The following CWH43 variants were observed in gnomAD, a reference collection of about 807,000 sequenced individuals.
CWH43 encodes PGAP2-interacting protein.
CWH43 carries 91 observed loss-of-function variants against 85.7 expected under a neutral mutation model. The observed-to-expected ratio is 1.06, with a 90% CI of 0.90 to 1.26. The LOEUF (loss-of-function observed/expected upper bound fraction) is 1.26. Ranked by LOEUF, CWH43 falls within the 50% of genes most tolerant of loss-of-function variation. CWH43 has a pLI of 0.00. For synonymous variants in CWH43, 323 were observed against 293.6 expected (o/e 1.10, Z -1.02); for missense variants, 869 against 839.2 (o/e 1.04, Z -0.44).
chr4:49,054,475 G>T (rs1216200364), intron 15 of CWH43, among the ~76,000 whole-genome samples: 1 of 152,096 alleles, frequency 6.6e-6, no homozygotes, highest in East Asian at 1.9e-4. Context: ...GCTCGTGATT[G>T]CTTAGGCTGC....
intron 1 of CWH43, 147 bp from the exon 2 acceptor site, chr4:48,988,328 CAT>C: frequency 2.1e-6 from 1 of 473,942 alleles, no homozygotes; most frequent in South Asian, 5.2e-5. Flanking sequence ...TGTTTTGTTC[CAT>C]GTCAGTGGAG....
chr4:49,018,981 A>G (rs1783649711), intron 9 of CWH43, among the ~76,000 whole-genome samples: 1 of 152,318 alleles, frequency 6.6e-6, no homozygotes, highest in African/African-American at 2.4e-5. Context: ...AAGGATACCT[A>G]ATGTCATCCA....
At chr4:49,001,130 A>C (rs533953361) in intron 6 of CWH43, among the ~76,000 whole-genome samples, 1 of 152,302 alleles carries the variant, frequency 6.6e-6, no homozygotes, top group African/African-American at 2.4e-5. Context: ...GTGACTGAAC[A>C]ATTTCATACA....
intron 7 of CWH43, among the ~76,000 whole-genome samples, chr4:49,004,740 T>A (rs1783101655): frequency 6.6e-6 from 1 of 152,198 alleles, no homozygotes; most frequent in Non-Finnish European, 1.5e-5. Context: ...TATATCTTAG[T>A]GTAAATGGTA....
At chr4:48,989,809 C>T (rs190726691) in intron 2 of CWH43, among the ~76,000 whole-genome samples, 72 of 152,232 alleles carry the variant, frequency 4.7e-4, no homozygotes, top group African/African-American at 1.4e-3. Context: ...AAATTGGTGT[C>T]CATAGGAATT....
chr4:49,041,243 A>G (rs1471248097), intron 13 of CWH43, among the ~76,000 whole-genome samples: 2 of 152,174 alleles, frequency 1.3e-5, no homozygotes, highest in African/African-American at 4.8e-5. Flanking sequence ...TTTTGGTTCC[A>G]TATGAACTTT....
intron 15 of CWH43, among the ~76,000 whole-genome samples, chr4:49,060,073 C>A (rs1435484681): frequency 1.3e-5 from 2 of 152,070 alleles, no homozygotes; most frequent in Non-Finnish European, 2.9e-5. Context: ...AGGGACTGGT[C>A]TGGAGCTCGG....
intron 9 of CWH43, among the ~76,000 whole-genome samples, chr4:49,026,174 C>T (rs1043274399): frequency 5.9e-5 from 9 of 152,196 alleles, no homozygotes; most frequent in African/African-American, 2.2e-4. Context: ...ATGCAACCCA[C>T]AGCATGAAAG....
intron 14 of CWH43, among the ~76,000 whole-genome samples, chr4:49,048,566 G>C (rs1208836132): frequency 6.6e-6 from 1 of 151,938 alleles, no homozygotes; most frequent in African/African-American, 2.4e-5. Flanking sequence ...TTGGTGTCTG[G>C]TTAGGACTGT....
At chr4:48,997,387 AT>A (rs1202604028) in intron 5 of CWH43, among the ~76,000 whole-genome samples, 2 of 152,046 alleles carry the variant, frequency 1.3e-5, no homozygotes, top group East Asian at 3.9e-4. Context: ...AATGGTGTTT[AT>A]TATATGTTTC....
chr4:48,987,822 G>A (rs919971108), intron 1 of CWH43, among the ~76,000 whole-genome samples: 2 of 152,298 alleles, frequency 1.3e-5, no homozygotes, highest in East Asian at 1.9e-4. Context: ...GTCTACTCAA[G>A]GGAACGACTG....
At chr4:49,006,659 G>A (rs1783166584) in intron 7 of CWH43, among the ~76,000 whole-genome samples, 1 of 152,090 alleles carries the variant, frequency 6.6e-6, no homozygotes, top group Non-Finnish European at 1.5e-5. Context: ...CTAGTTTGTT[G>A]CATATCCCAA....
chr4:49,032,611 C>T lies in CWH43; in HGVS notation c.1554C>T (p.His518=). Residue 518 remains histidine, a synonymous_variant, in exon 12 of 16, where the codon CAC becomes CAT. Coordinates refer to ENST00000226432, the MANE Select transcript of CWH43 (RefSeq NM_025087.3). ...SRYPIVKSEH[H]LLPSPEGEIA... is the part of the protein sequence containing the mutation. ...ACCCAATTGTGAAATCTGAGCATCA[C>T]CTTCTTCCGTCACCAGAGGGCGAGA... is the stretch of plus-strand genomic sequence containing the variant. The T allele has an allele frequency of 6.2e-7, 1 of 1,614,070 alleles. No homozygotes were observed. The highest frequency in any genetic ancestry group is 8.5e-7 in the Non-Finnish European group (1 of 1,179,958).
Position 48,992,124 on chromosome 4 carries a change from G to C in CWH43, c.511+34G>C. 6.4e-7 allele frequency: 1 copy of C among 1,558,550 alleles called. No homozygotes were observed. Among genetic ancestry groups the C allele is most frequent in the Non-Finnish European group, 8.8e-7 (1 of 1,135,622 alleles). On this transcript the variant is annotated intron_variant, in intron 4 of 15. Coordinates refer to ENST00000226432, the MANE Select transcript of CWH43 (RefSeq NM_025087.3). This position sits in a 1 kb window ranked among gnomAD's most constrained non-coding sequence, Gnocchi z 4.3. ...GTAACTTAGGAATTTTCTCTTTGCA[G>C]AGCTTACCTTTCCTATGTGAATGTT...
intron 8 of CWH43, among the ~76,000 whole-genome samples, chr4:49,012,757 G>A (rs535014977): frequency 6.6e-6 from 1 of 152,308 alleles, no homozygotes; most frequent in Non-Finnish European, 1.5e-5. Context: ...GTTGGAGTTT[G>A]CTGGAGGTCC....
chr4:49,032,640 C>T lies in CWH43; in HGVS notation c.1583C>T (p.Ala528Val), dbSNP rs1395377778. 1 of 1,614,016 alleles carries T rather than the reference C, an allele frequency of 6.2e-7. No homozygotes were observed. The highest frequency in any genetic ancestry group is 2.2e-5 in the East Asian group (1 of 44,882). The change falls in exon 12 of 16, where the codon GCA (alanine) becomes GTA (valine). Residue 528 changes from alanine (A) to valine (V), a missense_variant. Physicochemically the swap from Ala to Val is moderately conservative, Grantham distance 64. This residue lies in a region of CWH43 where 577 missense variants were observed against 513.1 expected (regional missense o/e 1.12). Transcript: ENST00000226432. ...HLLPSPEGEIAPAITLTVNIS... is the reference protein window; with the variant it reads ...HLLPSPEGEIVPAITLTVNIS... ...CTTCCGTCACCAGAGGGCGAGATCG[C>T]ACCAGCCATCACATTGACCGTTAAC...
At position 48,994,698 on chromosome 4, in the gene CWH43, G is replaced by C. The variant is rs147167780; in HGVS notation, c.591G>C (p.Leu197=). 37 of 1,614,092 alleles carry C rather than the reference G, an allele frequency of 2.3e-5. No individual in the cohort carries two copies. The African/African-American group carries it at 4.4e-4, about 19-fold the overall frequency. ...TGGCCTCTAGACCCAACTGGCTGCT[G>C]GCAGGGGCTGCTTTTGGTAGCCTTG... is the stretch of plus-strand genomic sequence containing the variant. ...TGMASRPNWL[L]AGAAFGSLVF... Residue 197 remains leucine, a synonymous_variant, in exon 5 of 16, where the codon CTG becomes CTC. Coordinates refer to ENST00000226432, the MANE Select transcript of CWH43 (RefSeq NM_025087.3).
At position 48,994,669 on chromosome 4, in the gene CWH43, G is replaced by A. The variant is rs745975176; in HGVS notation, c.562G>A (p.Gly188Arg). The A allele has an allele frequency of 3.1e-6, 5 of 1,614,046 alleles. No individual in the cohort carries two copies. In the East Asian group the frequency reaches 6.7e-5, roughly 22 times the overall value. The change falls in exon 5 of 16, where the codon GGG becomes AGG. Residue 188 changes from glycine to arginine, a missense_variant. Around this residue, in one of 3 missense-constraint regions of CWH43, gnomAD observed 152 missense variants for 203.6 expected, o/e 0.75. Transcript: ENST00000226432. ...EEKKTGEVAT[G>R]MASRPNWLLA... ...AAAGAAGACTGGTGAGGTAGCCACGGGGATGGCCTCTAGACCCAACTGGCT... is the reference window on the plus strand; with the variant it reads ...AAAGAAGACTGGTGAGGTAGCCACGAGGATGGCCTCTAGACCCAACTGGCT...
chr4:49,042,022 C>G (rs1214038793), intron 13 of CWH43, among the ~76,000 whole-genome samples: 1 of 152,174 alleles, frequency 6.6e-6, no homozygotes, highest in African/African-American at 2.4e-5. Context: ...ATGAGTTAGT[C>G]TCTGCATTTT....
Sources: gnomAD v4.1 joint callset for allele counts (sites outside exome capture counted in the v4.1 genomes callset) on GRCh38, gnomAD v4.1.1 for gene constraint, gnomAD v4.1.1 regional missense constraint, Gnocchi (gnomAD v3.1) non-coding constraint, MANE v1.5 for transcripts, NCBI Gene and HGNC (gene_info 2026-07-23, HGNC 2026-07-21) for gene names.